The following AK7 variants were observed in gnomAD, a reference collection of about 807,000 sequenced individuals.
The protein encoded by AK7 is ATP-AMP transphosphorylase 7.
Under a neutral mutation model 96.6 loss-of-function variants are expected in AK7, and 78 were observed. That is an observed-to-expected ratio of 0.81 (90% CI 0.67 to 0.97). The LOEUF is 0.97. AK7 is among the 50% of genes least tolerant of loss of function. AK7 has a pLI of 0.00. For missense variants in AK7, 855 were observed against 887.9 expected (o/e 0.96, Z 0.47); for synonymous variants, 302 against 317.2 (o/e 0.95, Z 0.51).
intron 12 of AK7, among the ~76,000 whole-genome samples, chr14:96,458,850 T>C: frequency 7.5e-6 from 1 of 132,628 alleles, no homozygotes; most frequent in East Asian, 2.2e-4. Flanking sequence ...GTTGAAGCTG[T>C]AGTAAGCCAT....
At position 96,462,147 on chromosome 14, in the gene AK7, G is replaced by A. The variant is rs1894288387; in HGVS notation, c.1357+3935G>A. Reference sequence around the variant, plus strand: ...ACAGGTTCAGCAGCCTCTGTCAGGAGAGATGTAAGAGGGGCCCTGGGAGGG... The same window carrying A: ...ACAGGTTCAGCAGCCTCTGTCAGGAAAGATGTAAGAGGGGCCCTGGGAGGG... On this transcript the variant is annotated intron_variant, in intron 12 of 17. Coordinates refer to ENST00000267584, the MANE Select transcript of AK7 (RefSeq NM_152327.5). 2.0e-5 allele frequency among the ~76,000 whole-genome samples: 3 copies of A among 152,300 alleles called. No homozygotes were observed. The South Asian group carries it at 6.2e-4, about 32-fold the overall frequency.
intron 14 of AK7, 29 bp from the exon 15 acceptor site, chr14:96,478,436 C>T: frequency 3.7e-6 from 6 of 1,612,600 alleles, no homozygotes; most frequent in Non-Finnish European, 4.2e-6. Flanking sequence ...CTGTATTGTG[C>T]CAACTCTGGA....
chr14:96,456,929 A>C, intron 11 of AK7: 1 of 203,096 alleles, frequency 4.9e-6, no homozygotes, highest in Non-Finnish European at 1.0e-5. Flanking sequence ...TGACGTGTGG[A>C]TCTTCTTTTC....
intron 11 of AK7, chr14:96,457,009 G>T: frequency 5.9e-6 from 1 of 170,466 alleles, no homozygotes; most frequent in Non-Finnish European, 1.3e-5. Flanking sequence ...CTTCGGGAAA[G>T]AAAGGAGCTT....
At chr14:96,457,992 C>T (rs1041469799) in intron 11 of AK7, 91 bp from the exon 12 acceptor site, 3 of 1,553,852 alleles carry the variant, frequency 1.9e-6, no homozygotes, top group Non-Finnish European at 2.6e-6. Context: ...ATTTGGATCC[C>T]AAGCTTTTTC....
chr14:96,451,215 C>T (rs1054773608), intron 9 of AK7, among the ~76,000 whole-genome samples: 5 of 152,118 alleles, frequency 3.3e-5, no homozygotes, highest in African/African-American at 1.2e-4. Context: ...CAGAAGGTGG[C>T]CCGCCATCAG....
intron 4 of AK7, among the ~76,000 whole-genome samples, chr14:96,416,879 C>T (rs1416126258): frequency 1.3e-5 from 2 of 152,208 alleles, no homozygotes; most frequent in Non-Finnish European, 2.9e-5. Flanking sequence ...GCGGCCCCCT[C>T]TGGTTGGAAT....
intron 12 of AK7, among the ~76,000 whole-genome samples, chr14:96,460,022 C>T (rs948110087): frequency 3.3e-5 from 5 of 152,192 alleles, no homozygotes; most frequent in South Asian, 2.1e-4. Flanking sequence ...AGTAAGGTGT[C>T]GCTTTGAACT....
At chr14:96,464,423 G>T (rs147912085) in intron 12 of AK7, among the ~76,000 whole-genome samples, 1,771 of 151,620 alleles carry the variant, frequency 0.012, 126 homozygotes, top group Admixed American at 0.11. Context: ...GGTGGTGCGT[G>T]CCTATAGTTC....
rs779800734 is a variant in AK7 at position 96,420,943 on chromosome 14, C to A, written c.609+11C>A. 1 of 1,512,938 alleles carries A rather than the reference C, an allele frequency of 6.6e-7. No individual in the cohort carries two copies. The highest frequency in any genetic ancestry group is 9.2e-7 in the Non-Finnish European group (1 of 1,089,448). 93.7% of individuals were successfully genotyped at this position (1,512,938 alleles called of 1,614,324 possible). A position where few individuals can be genotyped will look rare whatever the true frequency, so the allele number is the denominator to read the frequency against. ...AAATTTGGAAAAAAGGTAAGTCTGG[C>A]ATAGTGGAACATGGACATCATCTGA... is the stretch of plus-strand genomic sequence containing the variant. On this transcript the variant is annotated intron_variant, in intron 5 of 17. Coordinates refer to ENST00000267584, the MANE Select transcript of AK7 (RefSeq NM_152327.5).
chr14:96,431,504 C>T (rs1181509168), intron 5 of AK7, among the ~76,000 whole-genome samples: 6 of 152,158 alleles, frequency 3.9e-5, no homozygotes, highest in East Asian at 3.8e-4. Context: ...TTTATGCCTT[C>T]GTTTCGTTAT....
chr14:96,472,216 GA>G lies in AK7; in HGVS notation c.1487-470del, dbSNP rs570032889. ...TCCGTCACCCAGGCTGGAGCACAGT[GA>G]TATATACAATCATAGTTTACTGCAG... is the stretch of plus-strand genomic sequence containing the variant. On this transcript the variant is annotated intron_variant, in intron 13 of 17. Transcript: ENST00000267584. Among the ~76,000 whole-genome samples, 3 of 152,262 alleles carry G rather than the reference GA, an allele frequency of 2.0e-5. No individual in the cohort carries two copies. The South Asian group carries it at 6.2e-4, about 32-fold the overall frequency.
intron 3 of AK7, among the ~76,000 whole-genome samples, chr14:96,408,170 G>A (rs1460097550): frequency 6.6e-6 from 1 of 152,188 alleles, no homozygotes; most frequent in Admixed American, 6.5e-5. Context: ...TTCCACCATG[G>A]CTTTCACTGA....
At chr14:96,475,338 A>G (rs993953542) in intron 14 of AK7, among the ~76,000 whole-genome samples, 2 of 152,222 alleles carry the variant, frequency 1.3e-5, no homozygotes, top group African/African-American at 4.8e-5. Flanking sequence ...ATGGGGGCAC[A>G]TGGGGAATGC....
chr14:96,447,428 C>T lies in AK7; in HGVS notation c.870+821C>T, dbSNP rs536488745. ...ATCCTGGGCTCAAGAGAGCCTCCTG[C>T]CTCAGTTTTCCAAGTAGCTGGGAAC... On this transcript the variant is annotated intron_variant, in intron 8 of 17. Transcript: ENST00000267584. Among the ~76,000 whole-genome samples the T allele has an allele frequency of 7.2e-5, 11 of 152,198 alleles. No individual in the cohort carries two copies. The South Asian group carries it at 2.1e-3, about 29-fold the overall frequency.
chr14:96,457,597 C>A (rs1894004572), intron 11 of AK7, among the ~76,000 whole-genome samples: 1 of 151,956 alleles, frequency 6.6e-6, no homozygotes, highest in Admixed American at 6.6e-5. Flanking sequence ...AGCTGTGGTT[C>A]AAAGTATAGC....
chr14:96,400,288 C>T (rs1555375751), intron 2 of AK7, among the ~76,000 whole-genome samples: 1 of 152,098 alleles, frequency 6.6e-6, no homozygotes, highest in Non-Finnish European at 1.5e-5. Flanking sequence ...GATCTGCCCA[C>T]CTTGGCCTCC....
At chr14:96,415,736 CATTA>C (rs1451142122) in intron 4 of AK7, among the ~76,000 whole-genome samples, 1 of 148,622 alleles carries the variant, frequency 6.7e-6, no homozygotes, top group Non-Finnish European at 1.5e-5. Context: ...AATTTTAATA[CATTA>C]ATTAAATTAA....
At chr14:96,411,617 A>G (rs1392596657) in intron 4 of AK7, among the ~76,000 whole-genome samples, 1 of 152,234 alleles carries the variant, frequency 6.6e-6, no homozygotes, top group Non-Finnish European at 1.5e-5. Context: ...TCTAGCTGCA[A>G]TAGGATTAAT....
Sources: gnomAD v4.1 joint callset for allele counts (sites outside exome capture counted in the v4.1 genomes callset) on GRCh38, gnomAD v4.1.1 for gene constraint, MANE v1.5 for transcripts, NCBI Gene and HGNC (gene_info 2026-07-23, HGNC 2026-07-21) for gene names.